The following FBLN2 variants were observed in gnomAD, a reference collection of about 807,000 sequenced individuals.
The protein encoded by FBLN2 is fibulin-2.
Under a neutral mutation model 123.7 loss-of-function variants are expected in FBLN2, and 81 were observed. The ratio of observed to expected loss-of-function variants is 0.65; its 90% CI spans 0.55 to 0.79. FBLN2 has a LOEUF of 0.79. FBLN2 is among the 30% of genes least tolerant of loss of function. FBLN2 has a pLI of 0.00. For missense variants in FBLN2, 1,603 were observed against 1,681.3 expected (o/e 0.95, Z 0.81); for synonymous variants, 699 against 701.4 (o/e 1.00, Z 0.05).
chr3:13,636,617 T>C (rs1457250974), intron 17 of FBLN2, 49 bp downstream of exon 17: 2 of 1,592,492 alleles, frequency 1.3e-6, no homozygotes, highest in East Asian at 2.3e-5. Flanking sequence ...GTCCTGGTCC[T>C]GTACTATCCA....
At chr3:13,576,894 G>A (rs563566141) in intron 2 of FBLN2, among the ~76,000 whole-genome samples, 22 of 152,272 alleles carry the variant, frequency 1.4e-4, no homozygotes, top group Admixed American at 1.0e-3. Flanking sequence ...AAGTCCATGG[G>A]AATTATCTGC....
intron 16 of FBLN2, among the ~76,000 whole-genome samples, chr3:13,636,224 G>A (rs1706460478): frequency 6.6e-6 from 1 of 152,214 alleles, no homozygotes; most frequent in Non-Finnish European, 1.5e-5. Flanking sequence ...AGCGCGAGAA[G>A]CCTTGGGAGG....
rs1393942482 is a variant in FBLN2 at position 13,618,897 on chromosome 3, A to T, written c.1940-7A>T. ...CTGCAACCCCCACTCTGCTCTACCC[A>T]TGACAGAGGGTCACCCTCCACAGCC... On this transcript the variant is annotated splice_region_variant and splice_polypyrimidine_tract_variant and intron_variant, in intron 6 of 17. Transcript: ENST00000404922. 6.2e-7 allele frequency: 1 copy of T among 1,609,824 alleles called. No individual in the cohort carries two copies. The highest frequency in any genetic ancestry group is 1.7e-5 in the Admixed American group (1 of 59,576).
At chr3:13,604,410 G>A (rs6442402) in intron 2 of FBLN2, among the ~76,000 whole-genome samples, 92,729 of 151,774 alleles carry the variant, frequency 0.61, 29,673 homozygotes, top group African/African-American at 0.81. Context: ...TAATTTTTGT[G>A]TAAGGTGTAA....
chr3:13,570,731 G>C lies in FBLN2; in HGVS notation c.376G>C (p.Val126Leu). 6.2e-7 allele frequency: 1 copy of C among 1,601,412 alleles called. No individual in the cohort carries two copies. The highest frequency in any genetic ancestry group is 8.5e-7 in the Non-Finnish European group (1 of 1,174,490). Residue 126 changes from valine (V) to leucine (L), a missense_variant, in exon 2 of 18, where the codon GTG becomes CTG. Coordinates refer to ENST00000404922, the MANE Select transcript of FBLN2 (RefSeq NM_001004019.2). ...ELPPNCIEAVVVADSCPQCGQ... is the reference protein window; with the variant it reads ...ELPPNCIEAVLVADSCPQCGQ... ...GCCGCCCAACTGCATCGAGGCTGTA[G>C]TGGTGGCTGACAGCTGCCCACAGTG...
intron 2 of FBLN2, among the ~76,000 whole-genome samples, chr3:13,604,109 G>A (rs1490163928): frequency 1.3e-5 from 2 of 152,038 alleles, no homozygotes; most frequent in African/African-American, 2.4e-5. Flanking sequence ...GTAAATTTAA[G>A]TTCTTTGTAG....
intron 2 of FBLN2, among the ~76,000 whole-genome samples, chr3:13,578,898 T>TA: frequency 6.6e-6 from 1 of 151,680 alleles, no homozygotes; most frequent in Admixed American, 6.6e-5. Context: ...CTACTAAAAA[T>TA]AAAAAAATTA....
At chr3:13,617,856 A>G (rs1161499785) in intron 5 of FBLN2, among the ~76,000 whole-genome samples, 1 of 141,500 alleles carries the variant, frequency 7.1e-6, no homozygotes, top group African/African-American at 2.7e-5. Context: ...ATCTATACCC[A>G]TCCGTCTATC....
At chr3:13,601,697 G>A (rs2124871080) in intron 2 of FBLN2, among the ~76,000 whole-genome samples, 1 of 152,346 alleles carries the variant, frequency 6.6e-6, no homozygotes, top group South Asian at 2.1e-4. Flanking sequence ...AGATAGATAA[G>A]AGACCCTACC....
At chr3:13,560,148 C>T (rs1703566212) in intron 1 of FBLN2, among the ~76,000 whole-genome samples, 3 of 152,142 alleles carry the variant, frequency 2.0e-5, no homozygotes, top group South Asian at 4.1e-4. Context: ...TAATTTTTCA[C>T]GTGCTTATGT....
At chr3:13,600,713 TCAAGTGATTCTCCTGCCTCAGCCTCC>T (rs930417023) in intron 2 of FBLN2, among the ~76,000 whole-genome samples, 1 of 151,816 alleles carries the variant, frequency 6.6e-6, no homozygotes, top group African/African-American at 2.4e-5. Context: ...CCTCACGGGT[TCAAGTGATTCTCCTGCCTCAGCCTCC>T]CAAGTAGCTG....
At chr3:13,586,493 TTG>T (rs1559409012) in intron 2 of FBLN2, among the ~76,000 whole-genome samples, 1 of 136,708 alleles carries the variant, frequency 7.3e-6, no homozygotes, top group Non-Finnish European at 1.5e-5. Flanking sequence ...TATGTCTTAG[TTG>T]TTTTTTTTTT....
chr3:13,594,030 A>G (rs573353040), intron 2 of FBLN2, among the ~76,000 whole-genome samples: 12 of 152,346 alleles, frequency 7.9e-5, no homozygotes, highest in African/African-American at 2.9e-4. Flanking sequence ...GGTATCTTGT[A>G]AAATGTATAG....
At position 13,559,758 on chromosome 3, in the gene FBLN2, AG is replaced by A. The variant is rs144460800; in HGVS notation, c.-41-10552del. Reference sequence around the variant, plus strand: ...ATCCATAGCTTTTTGCACATTCTCCAGGGGGCCAGAGCTGATGGAGAACCAT... The same window carrying A: ...ATCCATAGCTTTTTGCACATTCTCCAGGGGCCAGAGCTGATGGAGAACCAT... On this transcript the variant is annotated intron_variant, in intron 1 of 17. Transcript: ENST00000404922. Among the ~76,000 whole-genome samples, 426 of 152,316 alleles carry A rather than the reference AG, an allele frequency of 2.8e-3. 3 individuals are homozygous for A. Among genetic ancestry groups the A allele is most frequent in the African/African-American group, 9.9e-3 (412 of 41,566 alleles).
rs111375171 is a variant in FBLN2 at position 13,618,882 on chromosome 3, C to A, written c.1940-22C>A. 5 of 1,591,904 alleles carry A rather than the reference C, an allele frequency of 3.1e-6. No individual in the cohort carries two copies. The South Asian group carries it at 5.6e-5, about 18-fold the overall frequency. On this transcript the variant is annotated intron_variant, in intron 6 of 17. Coordinates refer to ENST00000404922, the MANE Select transcript of FBLN2 (RefSeq NM_001004019.2). ...AGACCTGAGACCTCCCTGCAACCCCCACTCTGCTCTACCCATGACAGAGGG... is the reference window on the plus strand; with the variant it reads ...AGACCTGAGACCTCCCTGCAACCCCAACTCTGCTCTACCCATGACAGAGGG...
At chr3:13,551,403 G>A (rs1483134982) in intron 1 of FBLN2, among the ~76,000 whole-genome samples, 4 of 152,200 alleles carry the variant, frequency 2.6e-5, no homozygotes, top group African/African-American at 9.7e-5. Flanking sequence ...CTCCGAGGCA[G>A]GCTTTATTCA....
chr3:13,618,574 C>G (rs1010287644), intron 6 of FBLN2, among the ~76,000 whole-genome samples: 1 of 152,230 alleles, frequency 6.6e-6, no homozygotes, highest in African/African-American at 2.4e-5. Flanking sequence ...CAGCTATCTC[C>G]CCAGTGCTGG....
chr3:13,586,838 A>G (rs956260474), intron 2 of FBLN2, among the ~76,000 whole-genome samples: 12 of 139,158 alleles, frequency 8.6e-5, no homozygotes, highest in African/African-American at 3.3e-4. Flanking sequence ...AAAAAGATTT[A>G]AAAGTTAAAA....
chr3:13,552,507 G>T (rs1035709933), intron 1 of FBLN2, among the ~76,000 whole-genome samples: 2 of 152,152 alleles, frequency 1.3e-5, no homozygotes, highest in African/African-American at 4.8e-5. Flanking sequence ...GCAGGTGTCC[G>T]TGTGGCTGCA....
Sources: gnomAD v4.1 joint callset for allele counts (sites outside exome capture counted in the v4.1 genomes callset) on GRCh38, gnomAD v4.1.1 for gene constraint, MANE v1.5 for transcripts, NCBI Gene and HGNC (gene_info 2026-07-23, HGNC 2026-07-21) for gene names.